IMMP2L: variants seen among roughly 807,000 people sequenced by gnomAD.
IMMP2L encodes the protein mitochondrial inner membrane protease subunit 2.
A neutral mutation model predicts 19.3 loss-of-function variants in IMMP2L; 18 were observed. The observed-to-expected ratio is 0.93, with a 90% confidence interval of 0.64 to 1.38. The LOEUF is 1.38. IMMP2L is among the 40% of genes most tolerant of loss of function. The pLI is 0.00. For synonymous variants in IMMP2L, 76 were observed against 73.0 expected (o/e 1.04, Z -0.21); for missense variants, 233 against 218.2 (o/e 1.07, Z -0.43).
chr7:110,880,905 CATGTG>C, intron 5 of IMMP2L, among the ~76,000 whole-genome samples: 1 of 151,968 alleles, frequency 6.6e-6, no homozygotes, highest in Non-Finnish European at 1.5e-5. Context: ...AAAATGAAAT[CATGTG>C]GAAAATGATT....
chr7:111,271,355 C>T (rs1302601083), intron 3 of IMMP2L, among the ~76,000 whole-genome samples: 1 of 152,076 alleles, frequency 6.6e-6, no homozygotes, highest in Non-Finnish European at 1.5e-5. Flanking sequence ...TATACACACC[C>T]AATGGAAGAA....
intron 3 of IMMP2L, among the ~76,000 whole-genome samples, chr7:111,185,769 T>C (rs1282360782): frequency 6.6e-6 from 1 of 152,196 alleles, no homozygotes; most frequent in African/African-American, 2.4e-5. Context: ...TCAATGGATA[T>C]AAGCATTTTA....
chr7:110,895,578 T>G (rs772603400), intron 4 of IMMP2L, among the ~76,000 whole-genome samples: 1 of 152,094 alleles, frequency 6.6e-6, no homozygotes, highest in African/African-American at 2.4e-5. Flanking sequence ...TGCTGGGAGT[T>G]TGATTGGGAT....
intron 3 of IMMP2L, among the ~76,000 whole-genome samples, chr7:110,991,255 T>C (rs1045585893): frequency 1.3e-5 from 2 of 152,150 alleles, no homozygotes; most frequent in African/African-American, 2.4e-5. Context: ...TCCCACCATG[T>C]TAAAAAATGA....
At chr7:111,371,170 G>A (rs1044979991) in intron 3 of IMMP2L, among the ~76,000 whole-genome samples, 3 of 151,836 alleles carry the variant, frequency 2.0e-5, no homozygotes, top group South Asian at 2.1e-4. Context: ...GAGGAGAGTC[G>A]TGGCAAGTCT....
chr7:111,209,222 T>G (rs548501504), intron 3 of IMMP2L, among the ~76,000 whole-genome samples: 192 of 151,720 alleles, frequency 1.3e-3, no homozygotes, highest in Middle Eastern at 6.8e-3. Context: ...ACAGTGAAAC[T>G]CCCTCTCTAA....
intron 3 of IMMP2L, among the ~76,000 whole-genome samples, chr7:111,059,037 CA>C (rs1793771057): frequency 6.6e-6 from 1 of 151,900 alleles, no homozygotes; most frequent in Non-Finnish European, 1.5e-5. Context: ...GGCTGGAGTG[CA>C]GTGGCGCAAT....
chr7:111,070,650 T>C (rs1224428665), intron 3 of IMMP2L, among the ~76,000 whole-genome samples: 2 of 152,032 alleles, frequency 1.3e-5, no homozygotes, highest in South Asian at 2.1e-4. Flanking sequence ...CCCTAGTGAG[T>C]TGAAATCACT....
At chr7:111,195,827 TATTTCATTTCATTTC>T (rs199610368) in intron 3 of IMMP2L, among the ~76,000 whole-genome samples, 2 of 46,988 alleles carry the variant, frequency 4.3e-5, no homozygotes, top group African/African-American at 8.3e-5. Flanking sequence ...TATTTTATTT[TATTTCATTTCATTTC>T]ATTTCATTTC....
At chr7:111,055,851 C>A (rs745857759) in intron 3 of IMMP2L, among the ~76,000 whole-genome samples, 2 of 152,062 alleles carry the variant, frequency 1.3e-5, no homozygotes, top group Admixed American at 1.3e-4. Context: ...TCATGGGATC[C>A]GATGTGCTAA....
chr7:111,179,439 G>T (rs1196078473), intron 3 of IMMP2L, among the ~76,000 whole-genome samples: 1 of 151,856 alleles, frequency 6.6e-6, no homozygotes, highest in Non-Finnish European at 1.5e-5. Flanking sequence ...TGTGGCCCAA[G>T]ACCATTCTTC....
At chr7:111,179,980 G>C (rs567205976) in intron 3 of IMMP2L, among the ~76,000 whole-genome samples, 35 of 151,934 alleles carry the variant, frequency 2.3e-4, no homozygotes, top group Non-Finnish European at 3.5e-4. Context: ...CAGAATTGAA[G>C]AGAGTTAGGG....
chr7:110,772,030 C>G (rs1799076465), intron 5 of IMMP2L, among the ~76,000 whole-genome samples: 1 of 152,060 alleles, frequency 6.6e-6, no homozygotes, highest in South Asian at 2.1e-4. Flanking sequence ...AGGTCTAACT[C>G]AAAGTAGTGA....
intron 5 of IMMP2L, among the ~76,000 whole-genome samples, chr7:110,817,626 T>C (rs1333129818): frequency 6.6e-6 from 1 of 152,012 alleles, no homozygotes; most frequent in Non-Finnish European, 1.5e-5. Context: ...AAAGTTCATA[T>C]GGAACCAAAA....
At chr7:110,720,367 G>A (rs544546256) in intron 5 of IMMP2L, among the ~76,000 whole-genome samples, 5 of 152,228 alleles carry the variant, frequency 3.3e-5, no homozygotes, top group East Asian at 1.9e-4. Context: ...GAAAGTAATC[G>A]CTCTTCTTCA....
chr7:110,868,912 T>A (rs192414647), intron 5 of IMMP2L, among the ~76,000 whole-genome samples: 1 of 151,594 alleles, frequency 6.6e-6, no homozygotes, highest in Non-Finnish European at 1.5e-5. Flanking sequence ...AGGAACAAAA[T>A]TTCTTGAAAA....
At chr7:111,087,800 A>G (rs1796487414) in intron 3 of IMMP2L, among the ~76,000 whole-genome samples, 1 of 152,188 alleles carries the variant, frequency 6.6e-6, no homozygotes, top group African/African-American at 2.4e-5. Flanking sequence ...TTGTTAAAGG[A>G]GGAAAACAAT....
chr7:111,155,935 G>C (rs749335695), intron 3 of IMMP2L, among the ~76,000 whole-genome samples: 3 of 151,928 alleles, frequency 2.0e-5, no homozygotes, highest in Non-Finnish European at 4.4e-5. Flanking sequence ...TGCCTGTCTT[G>C]GAACTCATAG....
chr7:110,998,913 C>T (rs1313160817), intron 3 of IMMP2L, among the ~76,000 whole-genome samples: 1 of 152,148 alleles, frequency 6.6e-6, no homozygotes, highest in African/African-American at 2.4e-5. Context: ...TTCATTCCAC[C>T]ATACAATTTA....
Sources: allele counts gnomAD v4.1 joint callset (sites outside exome capture counted in the v4.1 genomes callset), GRCh38; gene constraint gnomAD v4.1.1; transcripts MANE v1.5; gene names NCBI Gene and HGNC (gene_info 2026-07-23, HGNC 2026-07-21).